NRIP1: variants seen among roughly 807,000 people sequenced by gnomAD.
NRIP1 encodes the protein nuclear receptor-interacting protein 1.
NRIP1 carries 28 observed loss-of-function variants against 75.0 expected under a neutral mutation model. That is an observed-to-expected ratio of 0.37 (90% CI 0.28 to 0.51). The LOEUF is 0.51. Among genes scored for constraint, NRIP1 ranks in the 20% least tolerant of loss-of-function variants. NRIP1 has a pLI of 0.92. For missense variants in NRIP1, 1,435 were observed against 1,343.7 expected, an observed-to-expected ratio of 1.07 and a Z score of -1.06; for synonymous variants, 526 against 487.6, an observed-to-expected ratio of 1.08 and a Z score of -1.04.
intron 3 of NRIP1, among the ~76,000 whole-genome samples, chr21:14,977,483 T>G (rs955967006): frequency 6.6e-6 from 1 of 152,136 alleles, no homozygotes; most frequent in African/African-American, 2.4e-5. Context: ...ACCCAACACT[T>G]AATTTCACAT....
chr21:14,984,367 GT>G (rs544247644), intron 3 of NRIP1, among the ~76,000 whole-genome samples: 5,337 of 139,076 alleles, frequency 0.038, 243 homozygotes, highest in African/African-American at 0.11. Context: ...GTTGTTGCGG[GT>G]TTTTTTTTTT....
At chr21:14,986,489 G>A (rs949689343) in intron 3 of NRIP1, among the ~76,000 whole-genome samples, 1 of 152,154 alleles carries the variant, frequency 6.6e-6, no homozygotes, top group East Asian at 1.9e-4. Context: ...AAGAGTTTCA[G>A]ATCCACTCTC....
Position 14,963,777 on chromosome 21 carries a change from A to G in NRIP1, c.*939T>C, listed in dbSNP as rs2086649614. On this transcript the variant is annotated 3_prime_UTR_variant, in exon 4 of 4. Transcript: ENST00000318948. ...AGATGGTTCTAATGCAAGTGGTCTG[A>G]GTTCAGGTTTAAGGAATCCTGGTCA... The G allele has an allele frequency of 6.6e-6, 1 of 152,142 alleles. No homozygotes were observed. The highest frequency in any genetic ancestry group is 2.4e-5 in the African/African-American group (1 of 41,430). The allele number at this position is 152,142 out of a possible 1,614,324, so 9.4% of individuals were successfully genotyped here.
chr21:15,029,515 T>A (rs928406710), intron 2 of NRIP1, among the ~76,000 whole-genome samples: 1 of 152,210 alleles, frequency 6.6e-6, no homozygotes, highest in African/African-American at 2.4e-5. Flanking sequence ...CTTAATAAGA[T>A]ACCATAAATT....
At chr21:14,991,228 CTCT>C (rs2147072013) in intron 3 of NRIP1, 1 of 150,718 alleles carries the variant, frequency 6.6e-6, no homozygotes, top group South Asian at 2.1e-4. Context: ...TGTAACATGC[CTCT>C]TCTTATTAAC....
chr21:15,029,404 A>C (rs958342606), intron 2 of NRIP1, among the ~76,000 whole-genome samples: 3 of 152,228 alleles, frequency 2.0e-5, no homozygotes, highest in Non-Finnish European at 4.4e-5. Context: ...CCTCCGAGTA[A>C]GGCCTTCCCT....
intron 2 of NRIP1, among the ~76,000 whole-genome samples, chr21:15,039,434 T>C (rs555970138): frequency 1.2e-4 from 19 of 152,246 alleles, no homozygotes; most frequent in Admixed American, 8.5e-4. Context: ...ACATTCCCAA[T>C]TTTGAATACC....
chr21:15,038,520 A>G (rs2088882834), intron 2 of NRIP1, among the ~76,000 whole-genome samples: 1 of 152,060 alleles, frequency 6.6e-6, no homozygotes. Flanking sequence ...TTACCAACAT[A>G]ATTTTATTAT....
chr21:14,970,274 G>A (rs931847993), intron 3 of NRIP1, among the ~76,000 whole-genome samples: 10 of 152,246 alleles, frequency 6.6e-5, no homozygotes, highest in South Asian at 2.1e-4. Flanking sequence ...GGCCAGGTAC[G>A]GTGGCTCACA....
intron 3 of NRIP1, among the ~76,000 whole-genome samples, chr21:14,972,250 G>C (rs1348960673): frequency 1.3e-5 from 2 of 152,132 alleles, no homozygotes; most frequent in Non-Finnish European, 2.9e-5. Context: ...TCTTAAACTA[G>C]AGAGGGAGAA....
intron 3 of NRIP1, among the ~76,000 whole-genome samples, chr21:15,008,712 C>T (rs556867701): frequency 1.4e-4 from 21 of 152,238 alleles, no homozygotes; most frequent in African/African-American, 4.8e-4. Flanking sequence ...AGATTCTGTT[C>T]GCAATTAGAC....
In NRIP1 at chr21:14,965,101, T is replaced by C. The variant is rs779512070; in HGVS notation, c.3092A>G (p.Asn1031Ser). ...AGSRPESGLLNGCSMPSEKGP... is the reference protein window; with the variant it reads ...AGSRPESGLLSGCSMPSEKGP... The stretch of plus-strand genomic sequence containing the variant: ...TTTCTCACTGGGCATGGAACACCCA[T>C]TCAAAAGCCCAGATTCTGGTCTAGA... Residue 1031 changes from asparagine to serine, a missense_variant, in exon 4 of 4, where the codon AAT becomes AGT. Physicochemically the swap from Asn to Ser is conservative, Grantham distance 46 (BLOSUM62 1). Transcript: ENST00000318948. 2 of 1,613,374 alleles carry C rather than the reference T, an allele frequency of 1.2e-6. No individual in the cohort carries two copies. Among genetic ancestry groups the C allele is most frequent in the East Asian group, 2.2e-5 (1 of 44,876 alleles).
At chr21:15,060,267 A>T (rs964224168) in intron 1 of NRIP1, among the ~76,000 whole-genome samples, 2 of 152,180 alleles carry the variant, frequency 1.3e-5, no homozygotes, top group African/African-American at 4.8e-5. Context: ...AGAATCCTAT[A>T]CATTCAGTAT....
At chr21:14,981,932 A>G (rs912571467) in intron 3 of NRIP1, among the ~76,000 whole-genome samples, 1 of 147,374 alleles carries the variant, frequency 6.8e-6, no homozygotes, top group African/African-American at 2.5e-5. Context: ...GCTCAGCACA[A>G]CCTCCGACTC....
intron 3 of NRIP1, among the ~76,000 whole-genome samples, chr21:14,988,836 A>G (rs1475258609): frequency 2.0e-5 from 3 of 152,128 alleles, no homozygotes; most frequent in Non-Finnish European, 2.9e-5. Context: ...GGACTTCATG[A>G]GGCCACATTT....
rs1391212426 is a variant in NRIP1, at chr21:14,967,852, G to C, written c.341C>G (p.Ala114Gly). ...SIMNLNVKKE[A>G]LLAGMVDSVP... ...ACTGTCAACCATGCCAGCTAGCAAA[G>C]CTTCCTTCTTTACGTTTAAATTCAT... is the stretch of plus-strand genomic sequence containing the variant. The change falls in exon 4 of 4, where the codon GCT becomes GGT. Residue 114 changes from alanine to glycine, a missense_variant. Physicochemically the swap from Ala to Gly is moderately conservative, Grantham distance 60 (BLOSUM62 0). Transcript: ENST00000318948. 1 of 1,613,910 alleles carries C rather than the reference G, an allele frequency of 6.2e-7. No homozygotes were observed. Among genetic ancestry groups the C allele is most frequent in the East Asian group, 2.2e-5 (1 of 44,884 alleles).
Position 14,974,905 on chromosome 21 carries a change from C to T in NRIP1, c.-334-6379G>A, listed in dbSNP as rs142535581. Among the ~76,000 whole-genome samples the T allele has an allele frequency of 3.0e-4, 46 of 151,798 alleles. 1 individual carries two copies. Among genetic ancestry groups the T allele is most frequent in the African/African-American group, 8.9e-4 (37 of 41,354 alleles). On this transcript the variant is annotated intron_variant, in intron 3 of 3. Coordinates refer to ENST00000318948, the MANE Select transcript of NRIP1 (RefSeq NM_003489.4). ...GGATGAATGCTTGAGCCCAGGAGTTCGAGACCAGCCTGGGCAACATGGCGA... is the reference window on the plus strand; with the variant it reads ...GGATGAATGCTTGAGCCCAGGAGTTTGAGACCAGCCTGGGCAACATGGCGA...
Position 14,965,807 on chromosome 21 carries a change from G to C in NRIP1, c.2386C>G (p.Pro796Ala). 1 of 1,613,970 alleles carries C rather than the reference G, an allele frequency of 6.2e-7. No individual in the cohort carries two copies. The highest frequency in any genetic ancestry group is 8.5e-7 in the Non-Finnish European group (1 of 1,179,964). Residue 796 changes from proline to alanine, a missense_variant, in exon 4 of 4, where the codon CCA (proline) becomes GCA (alanine). Physicochemically the swap from Pro to Ala is conservative, Grantham distance 27. Transcript: ENST00000318948. ...PAVQRSAPAL[P>A]VSEDFKSEPV... ...TCCGATTTAAAGTCTTCGGACACTG[G>C]TAAGGCAGGTGCGCTTCTCTGCACA...
intron 3 of NRIP1, among the ~76,000 whole-genome samples, chr21:14,989,695 T>C (rs572880690): frequency 6.6e-6 from 1 of 152,270 alleles, no homozygotes; most frequent in South Asian, 2.1e-4. Context: ...CCATTAAAAT[T>C]AAAAGTAGAC....
Sources: gnomAD v4.1 joint callset for allele counts (sites outside exome capture counted in the v4.1 genomes callset) on GRCh38, gnomAD v4.1.1 for gene constraint, MANE v1.5 for transcripts, NCBI Gene and HGNC (gene_info 2026-07-23, HGNC 2026-07-21) for gene names.